Variants in USP42 observed in about 807,000 individuals in gnomAD.
USP42 encodes the protein ubiquitin carboxyl-terminal hydrolase 42.
A neutral mutation model predicts 113.0 loss-of-function variants in USP42; 23 were observed. The ratio of observed to expected loss-of-function variants is 0.20; its 90% CI spans 0.15 to 0.29. USP42 has a LOEUF of 0.29. Ranked by LOEUF, USP42 falls within the 10% of genes least tolerant of loss-of-function variation. The probability of loss-of-function intolerance (pLI) is 1.00; values close to 1 mark genes in which losing one functional copy is unlikely to be tolerated. For missense variants in USP42, 2,174 were observed against 1,779.8 expected (o/e 1.22, Z -3.99); for synonymous variants, 933 against 699.0 (o/e 1.33, Z -5.28).
rs757801310 is a variant in USP42 at position 6,153,918 on chromosome 7, A to C, written c.2364A>C (p.Glu788Asp). 5 of 1,600,942 alleles carry C rather than the reference A, an allele frequency of 3.1e-6. No homozygotes were observed. The highest frequency in any genetic ancestry group is 3.4e-5 in the Admixed American group (2 of 58,472). ...PRDPGTPATKEGAWEAMAVAP... is the reference protein window; with the variant it reads ...PRDPGTPATKDGAWEAMAVAP... ...ATCCCGGCACCCCCGCTACCAAAGAAGGCGCCTGGGAGGCCATGGCCGTCG... is the reference window on the plus strand; with the variant it reads ...ATCCCGGCACCCCCGCTACCAAAGACGGCGCCTGGGAGGCCATGGCCGTCG... The change falls in exon 15 of 18, where the codon GAA becomes GAC. Residue 788 changes from glutamate (E) to aspartate (D), a missense_variant. Coordinates refer to ENST00000306177, the MANE Select transcript of USP42 (RefSeq NM_032172.3).
rs1024043819 is a variant in USP42 at position 6,147,624 on chromosome 7, G to C, written c.1233-115G>C. The C allele has an allele frequency of 4.9e-6, 6 of 1,215,152 alleles. No individual in the cohort carries two copies. In the East Asian group the frequency reaches 1.3e-4, roughly 26 times the overall value. 75.3% of individuals were successfully genotyped at this position (1,215,152 alleles called of 1,614,324 possible). ...GCTCCATACTGTGTAGCATAAACAT[G>C]CTATTTTTTTCATCAGGTTTCCGCC... On this transcript the variant is annotated intron_variant, in intron 11 of 17. Coordinates refer to ENST00000306177, the MANE Select transcript of USP42 (RefSeq NM_032172.3).
intron 1 of USP42, among the ~76,000 whole-genome samples, chr7:6,107,660 C>G (rs186679079): frequency 3.3e-5 from 5 of 152,192 alleles, no homozygotes; most frequent in South Asian, 4.2e-4. Flanking sequence ...CTGCCCGCCT[C>G]GTCCTCCCAA....
chr7:6,107,280 T>C (rs748796953), intron 1 of USP42, among the ~76,000 whole-genome samples: 1 of 152,200 alleles, frequency 6.6e-6, no homozygotes, highest in Non-Finnish European at 1.5e-5. Flanking sequence ...TTGTTAGTGA[T>C]TGTTCTGAAG....
At chr7:6,103,078 G>C (rs1790178537), upstream of USP42, among the ~76,000 whole-genome samples, 1 of 150,752 alleles carries the variant, frequency 6.6e-6, no homozygotes, top group African/African-American at 2.5e-5. Context: ...AGAATACCAG[G>C]TCCTTAATCA....
At chr7:6,092,096 C>CTTT in the USP42 span, among the ~76,000 whole-genome samples, 1 of 132,444 alleles carries the variant, frequency 7.6e-6, no homozygotes, top group Non-Finnish European at 1.6e-5. Context: ...TCTTCTTCTT[C>CTTT]CTCCTCTTCT....
In USP42 at chr7:6,150,046, A is replaced by G; in HGVS notation, c.1850A>G (p.Glu617Gly). The G allele has an allele frequency of 6.2e-7, 1 of 1,610,662 alleles. No homozygotes were observed. ...GCCGAGTCCTCTGAGGACTCTGACGAGGAGTCAAAGGGGCTGGGCAAGGAG... is the reference window on the plus strand; with the variant it reads ...GCCGAGTCCTCTGAGGACTCTGACGGGGAGTCAAAGGGGCTGGGCAAGGAG... ...YGAESSEDSD[E>G]ESKGLGKENG... is the part of the protein sequence containing the mutation. The change falls in exon 13 of 18, where the codon GAG (glutamate) becomes GGG (glycine). Residue 617 changes from glutamate (E) to glycine (G), a missense_variant. Glu to Gly is a moderately conservative substitution (Grantham distance 98). Transcript: ENST00000306177.
the USP42 span, chr7:6,088,865 G>A: frequency 6.6e-6 from 1 of 150,806 alleles, no homozygotes; most frequent in Non-Finnish European, 1.5e-5. Flanking sequence ...TGCACCCGCA[G>A]GAGGGGACGG....
the USP42 span, among the ~76,000 whole-genome samples, chr7:6,082,176 T>A: frequency 0.042 from 6,453 of 151,860 alleles, 166 homozygotes; most frequent in South Asian, 0.086. Context: ...TCGCCCAGGC[T>A]GGAGTGCAGT....
chr7:6,092,014 C>CTTTTCTTCTTCTTCTTCTTCTT, the USP42 span, among the ~76,000 whole-genome samples: 1 of 98,588 alleles, frequency 1.0e-5, no homozygotes, highest in Non-Finnish European at 2.2e-5. Context: ...TCTTCTTCTT[C>CTTTTCTTCTTCTTCTTCTTCTT]TTCTTCTTCT....
chr7:6,107,048 G>A (rs772809737), intron 1 of USP42, among the ~76,000 whole-genome samples: 1 of 152,254 alleles, frequency 6.6e-6, no homozygotes, highest in Non-Finnish European at 1.5e-5. Flanking sequence ...GTGTGTAGCA[G>A]ATGGAGTTTA....
At chr7:6,155,216 TC>T (rs773145027) in intron 15 of USP42, 21 bp downstream of exon 15, 64 of 1,506,256 alleles carry the variant, frequency 4.2e-5, no homozygotes, top group Non-Finnish European at 5.5e-5. Flanking sequence ...GGCCTTGTGC[TC>T]CCCGAGGCGC....
chr7:6,154,515 G>A lies in USP42; in HGVS notation c.2961G>A (p.Glu987=). 3.2e-6 allele frequency: 5 copies of A among 1,541,288 alleles called. No individual in the cohort carries two copies. Among genetic ancestry groups the A allele is most frequent in the Non-Finnish European group, 4.4e-6 (5 of 1,143,756 alleles). Residue 987 remains glutamate (E), a synonymous_variant, in exon 15 of 18, where the codon GAG becomes GAA. Coordinates refer to ENST00000306177, the MANE Select transcript of USP42 (RefSeq NM_032172.3). The part of the protein sequence containing the change: ...RHRRRRTCPR[E]RDRQDRHAPE... ...GGCGGCGCCGCACCTGCCCCCGGGA[G>A]CGCGACCGCCAGGACCGCCACGCCC...
Position 6,150,399 on chromosome 7 carries a change from G to A in USP42, c.2107-13G>A. ...TGGCGACTGAAGCTGAAATATTTTT[G>A]TTTTTATTGCAGTTGATGCCTGCTC... On this transcript the variant is annotated splice_polypyrimidine_tract_variant and intron_variant, in intron 13 of 17. Coordinates refer to ENST00000306177, the MANE Select transcript of USP42 (RefSeq NM_032172.3). The A allele has an allele frequency of 1.2e-6, 2 of 1,613,208 alleles. No individual in the cohort carries two copies. The highest frequency in any genetic ancestry group is 1.7e-6 in the Non-Finnish European group (2 of 1,179,280).
Position 6,157,221 on chromosome 7 carries a change from G to A in USP42, c.3943+166G>A. ...TCTGGCCTCAGTGCTCATCCCTGCA[G>A]TGTGGTTCCGTTGCACAGTTAAGCC... On this transcript the variant is annotated intron_variant, in intron 16 of 17. Coordinates refer to ENST00000306177, the MANE Select transcript of USP42 (RefSeq NM_032172.3). The surrounding 1 kb of genome is among the most constrained non-coding windows in gnomAD (Gnocchi z 4.1). 1 of 1,412,606 alleles carries A rather than the reference G, an allele frequency of 7.1e-7. No individual in the cohort carries two copies. Among genetic ancestry groups the A allele is most frequent in the South Asian group, 1.6e-5 (1 of 63,060 alleles). 87.5% of individuals were successfully genotyped at this position (1,412,606 alleles called of 1,614,324 possible). A position where few individuals can be genotyped will look rare whatever the true frequency, so the allele number is the denominator to read the frequency against.
intron 14 of USP42, 103 bp from the exon 15 acceptor site, chr7:6,153,653 G>A: frequency 3.8e-6 from 5 of 1,313,170 alleles, no homozygotes; most frequent in South Asian, 4.1e-5. Flanking sequence ...ATAAAGAGAC[G>A]AAATAGCAAA....
chr7:6,153,715 G>GC, intron 14 of USP42, 41 bp from the exon 15 acceptor site: 1 of 1,426,990 alleles, frequency 7.0e-7, no homozygotes, highest in Non-Finnish European at 9.2e-7. Flanking sequence ...AGCCTGTCAA[G>GC]CCCACGCTAA....
At position 6,146,126 on chromosome 7, in the gene USP42, T is replaced by G. The variant is rs143801604; in HGVS notation, c.1132-22T>G. The stretch of plus-strand genomic sequence containing the variant: ...TGTTTAATTAAATCTAATCTCTCTC[T>G]TTTATTGGCTCTCATTTATAGGCTA... On this transcript the variant is annotated intron_variant, in intron 10 of 17. Coordinates refer to ENST00000306177, the MANE Select transcript of USP42 (RefSeq NM_032172.3). The G allele has an allele frequency of 6.1e-6, 9 of 1,465,556 alleles. No homozygotes were observed. The Admixed American group carries it at 1.7e-4, about 27-fold the overall frequency. The allele number at this position is 1,465,556 out of a possible 1,614,324, so 90.8% of individuals were successfully genotyped here.
rs900201748 is a variant in USP42, at chr7:6,157,938, C to T, written c.3943+883C>T. On this transcript the variant is annotated intron_variant, in intron 16 of 17. Coordinates refer to ENST00000306177, the MANE Select transcript of USP42 (RefSeq NM_032172.3). This position sits in a 1 kb window ranked among gnomAD's most constrained non-coding sequence, Gnocchi z 4.1. ...CCCCACTTCCTCTCCCGTTGGTGTC[C>T]GGTGACCGCTCACCCTCGAGAGGAG... 2.6e-5 allele frequency among the ~76,000 whole-genome samples: 4 copies of T among 152,154 alleles called. No individual in the cohort carries two copies. Among genetic ancestry groups the T allele is most frequent in the Admixed American group, 2.0e-4 (3 of 15,276 alleles).
At chr7:6,128,981 T>C (rs930999198) in intron 3 of USP42, among the ~76,000 whole-genome samples, 39 of 152,148 alleles carry the variant, frequency 2.6e-4, no homozygotes, top group African/African-American at 9.2e-4. Context: ...CGACCATGCC[T>C]GGCTAATTTT....
Sources: gnomAD v4.1 joint callset for allele counts (sites outside exome capture counted in the v4.1 genomes callset) on GRCh38, gnomAD v4.1.1 for gene constraint, Gnocchi (gnomAD v3.1) non-coding constraint, MANE v1.5 for transcripts, NCBI Gene and HGNC (gene_info 2026-07-23, HGNC 2026-07-21) for gene names.